The following PKP1 variants were observed in gnomAD, a reference collection of about 807,000 sequenced individuals.
PKP1 encodes the protein plakophilin 1.
Under a neutral mutation model 76.4 loss-of-function variants are expected in PKP1, and 27 were observed. The ratio of observed to expected loss-of-function variants is 0.35; its 90% CI spans 0.26 to 0.49. PKP1 has a LOEUF of 0.49. Ranked by LOEUF, PKP1 falls within the 20% of genes least tolerant of loss-of-function variation. PKP1 has a pLI of 0.99. For synonymous variants in PKP1, 404 were observed against 384.2 expected (o/e 1.05, Z -0.60); for missense variants, 964 against 955.2 (o/e 1.01, Z -0.12).
In PKP1 at chr1:201,303,618, G is replaced by T. The variant is rs374746675; in HGVS notation, c.307-9548G>T. ...AAAAGTTTTATTTTTTTGTTTGTTT[G>T]TTTGTTTTATTTTGTTTTTTCTTAA... On this transcript the variant is annotated intron_variant, in intron 2 of 13. Coordinates refer to ENST00000367324, the MANE Select transcript of PKP1 (RefSeq NM_001005337.3). Among the ~76,000 whole-genome samples the T allele has an allele frequency of 2.3e-3, 347 of 152,192 alleles. 1 individual carries two copies. The highest frequency in any genetic ancestry group is 0.014 in the Middle Eastern group (4 of 294).
At chr1:201,326,567 G>A (rs907332758) in intron 12 of PKP1, among the ~76,000 whole-genome samples, 3 of 152,240 alleles carry the variant, frequency 2.0e-5, no homozygotes, top group South Asian at 2.1e-4. Flanking sequence ...TTTTAGCTTG[G>A]AGACTATGGT....
chr1:201,316,830 T>A, intron 4 of PKP1, 133 bp downstream of exon 4: 1 of 926,648 alleles, frequency 1.1e-6, no homozygotes, highest in Non-Finnish European at 1.7e-6. Flanking sequence ...CCAGGAGCCT[T>A]CGCATTGCCC....
Position 201,317,895 on chromosome 1 carries a change from G to A in PKP1, c.1054+116G>A, listed in dbSNP as rs2102178556. On this transcript the variant is annotated intron_variant, in intron 5 of 13. Coordinates refer to ENST00000367324, the MANE Select transcript of PKP1 (RefSeq NM_001005337.3). ...GGCTGGGCCAAGACACAGCTGTGCA[G>A]ATTTGGCCCAGGGCTAATATCCTGA... The A allele has an allele frequency of 2.9e-6, 3 of 1,033,242 alleles. No homozygotes were observed. The East Asian group carries it at 7.7e-5, about 27-fold the overall frequency. The allele number at this position is 1,033,242 out of a possible 1,614,324, so 64.0% of individuals were successfully genotyped here.
intron 2 of PKP1, among the ~76,000 whole-genome samples, chr1:201,312,964 A>G (rs1281256799): frequency 1.3e-5 from 2 of 152,152 alleles, no homozygotes; most frequent in Non-Finnish European, 2.9e-5. Context: ...TTCTAAATTG[A>G]TTTTATAATC....
At chr1:201,291,360 C>T (rs1009937852) in intron 1 of PKP1, among the ~76,000 whole-genome samples, 1 of 152,218 alleles carries the variant, frequency 6.6e-6, no homozygotes, top group African/African-American at 2.4e-5. Flanking sequence ...GACATGGGGA[C>T]TGGCTTTGGG....
In PKP1 at chr1:201,325,004, C is replaced by A; in HGVS notation, c.1898C>A (p.Ser633Tyr). 6.2e-7 allele frequency: 1 copy of A among 1,613,892 alleles called. No homozygotes were observed. The change falls in exon 11 of 14, where the codon TCC becomes TAC. Residue 633 changes from serine (S) to tyrosine (Y), a missense_variant. Transcript: ENST00000367324. Reference sequence around the variant, plus strand: ...AGCCACACTGGCAATACCAGCAACTCCGAAGACATCTTGTCCTCGGCCTGC... The same window carrying A: ...AGCCACACTGGCAATACCAGCAACTACGAAGACATCTTGTCCTCGGCCTGC... Reference protein sequence around the residue: ...LTSHTGNTSNSEDILSSACYT... With the variant: ...LTSHTGNTSNYEDILSSACYT...
Position 201,313,334 on chromosome 1 carries a change from C to T in PKP1, c.475C>T (p.Leu159Phe), listed in dbSNP as rs367893541. The T allele has an allele frequency of 6.3e-7, 1 of 1,591,346 alleles. No individual in the cohort carries two copies. ...KIKASRSEPD[L>F]YCDPRGTLRK... Reference sequence around the variant, plus strand: ...CAAGGCGAGCCGCAGTGAGCCCGACCTCTACTGTGACCCACGGGGCACCCT... The same window carrying T: ...CAAGGCGAGCCGCAGTGAGCCCGACTTCTACTGTGACCCACGGGGCACCCT... Residue 159 changes from leucine (L) to phenylalanine (F), a missense_variant, in exon 3 of 14, where the codon CTC becomes TTC. Transcript: ENST00000367324.
chr1:201,325,138 G>T lies in PKP1; in HGVS notation c.2021+11G>T. 1 of 1,612,888 alleles carries T rather than the reference G, an allele frequency of 6.2e-7. No individual in the cohort carries two copies. The highest frequency in any genetic ancestry group is 8.5e-7 in the Non-Finnish European group (1 of 1,179,842). ...CCTGTGCCGAAGCAGGTGGGCGGGG[G>T]GTTGCTCCCACGGGCTGCACCCCAA... On this transcript the variant is annotated intron_variant, in intron 11 of 13. Coordinates refer to ENST00000367324, the MANE Select transcript of PKP1 (RefSeq NM_001005337.3).
chr1:201,316,842 A>G (rs1307887662), intron 4 of PKP1, 145 bp downstream of exon 4: 2 of 827,678 alleles, frequency 2.4e-6, no homozygotes, highest in Admixed American at 2.1e-5. Flanking sequence ...GCATTGCCCA[A>G]GGTTAGAGCT....
At chr1:201,291,969 T>G (rs1571539960) in intron 1 of PKP1, among the ~76,000 whole-genome samples, 1 of 151,966 alleles carries the variant, frequency 6.6e-6, no homozygotes, top group Non-Finnish European at 1.5e-5. Context: ...TGGAGAAAGG[T>G]GGAGGAAGAG....
At chr1:201,317,888 C>A (rs992352808) in intron 5 of PKP1, 109 bp downstream of exon 5, 3 of 1,096,184 alleles carry the variant, frequency 2.7e-6, no homozygotes, top group Admixed American at 2.0e-5. Context: ...CAAGACACAG[C>A]TGTGCAGATT....
At position 201,295,416 on chromosome 1, in the gene PKP1, GCACA is replaced by G. The variant is rs553515924; in HGVS notation, c.306+1373_306+1376del. 1.8e-3 allele frequency among the ~76,000 whole-genome samples: 276 copies of G among 152,274 alleles called. 1 individual carries two copies. The highest frequency in any genetic ancestry group is 0.01 in the Middle Eastern group (3 of 294). On this transcript the variant is annotated intron_variant, in intron 2 of 13. Coordinates refer to ENST00000367324, the MANE Select transcript of PKP1 (RefSeq NM_001005337.3). ...ACACTCTTAGTGCAAAATAAACCCA[GCACA>G]CTGAGCCCGGTAAACTGACAGATCA...
chr1:201,318,561 G>A (rs533886202), intron 5 of PKP1, 57 bp from the exon 6 acceptor site: 83 of 1,523,036 alleles, frequency 5.4e-5, no homozygotes, highest in Admixed American at 1.0e-4. Flanking sequence ...CTGTTACCTC[G>A]GTCCCTAGGG....
intron 2 of PKP1, among the ~76,000 whole-genome samples, chr1:201,301,170 A>G (rs778572652): frequency 6.6e-6 from 1 of 152,152 alleles, no homozygotes; most frequent in African/African-American, 2.4e-5. Context: ...CTGTCCTGAT[A>G]GTGTGGACCC....
At chr1:201,321,414 A>G (rs893373346) in intron 7 of PKP1, among the ~76,000 whole-genome samples, 31 of 152,242 alleles carry the variant, frequency 2.0e-4, no homozygotes, top group Admixed American at 9.2e-4. Flanking sequence ...CCCAGCTGCC[A>G]TGATGAAGCC....
chr1:201,303,529 A>G (rs2102163728), intron 2 of PKP1, among the ~76,000 whole-genome samples: 1 of 152,380 alleles, frequency 6.6e-6, no homozygotes, highest in South Asian at 2.1e-4. Flanking sequence ...AACCTTGGTA[A>G]TCAATTATAA....
At chr1:201,299,063 G>A (rs1656149917) in intron 2 of PKP1, among the ~76,000 whole-genome samples, 1 of 152,204 alleles carries the variant, frequency 6.6e-6, no homozygotes, top group Non-Finnish European at 1.5e-5. Context: ...GCCAGGTACT[G>A]CAGAGGGGCT....
Position 201,293,995 on chromosome 1 carries a change from A to G in PKP1, c.256A>G (p.Ser86Gly). 1 of 1,614,012 alleles carries G rather than the reference A, an allele frequency of 6.2e-7. No individual in the cohort carries two copies. Among genetic ancestry groups the G allele is most frequent in the Non-Finnish European group, 8.5e-7 (1 of 1,179,916 alleles). The change falls in exon 2 of 14, where the codon AGC becomes GGC. Residue 86 changes from serine (S) to glycine (G), a missense_variant. Coordinates refer to ENST00000367324, the MANE Select transcript of PKP1 (RefSeq NM_001005337.3). ...TTACAACTATGGGACCACCAGCAGG[A>G]GCAGCTACTACTCCAAGTTCCAGGC... ...DNYNYGTTSRSSYYSKFQAGN... is the reference protein window; with the variant it reads ...DNYNYGTTSRGSYYSKFQAGN...
chr1:201,325,128 G>C lies in PKP1; in HGVS notation c.2021+1G>C. The stretch of plus-strand genomic sequence containing the variant: ...ACATCATCAACCTGTGCCGAAGCAG[G>C]TGGGCGGGGGGTTGCTCCCACGGGC... On this transcript the variant is annotated splice_donor_variant, in intron 11 of 13. Coordinates refer to ENST00000367324, the MANE Select transcript of PKP1 (RefSeq NM_001005337.3). LOFTEE classifies it high-confidence loss of function. The C allele has an allele frequency of 6.2e-7, 1 of 1,613,464 alleles. No homozygotes were observed. The highest frequency in any genetic ancestry group is 8.5e-7 in the Non-Finnish European group (1 of 1,180,008).
Sources: gnomAD v4.1 joint callset for allele counts (sites outside exome capture counted in the v4.1 genomes callset) on GRCh38, gnomAD v4.1.1 for gene constraint, MANE v1.5 for transcripts, NCBI Gene and HGNC (gene_info 2026-07-23, HGNC 2026-07-21) for gene names.